The following SH2B3 variants were observed in gnomAD, a reference collection of about 807,000 sequenced individuals.
SH2B3 encodes the protein SH2B adapter protein 3.
SH2B3 carries 43 observed loss-of-function variants against 51.9 expected under a neutral mutation model. The ratio of observed to expected loss-of-function variants is 0.83; its 90% CI spans 0.65 to 1.07. The LOEUF is 1.07. Ranked by LOEUF, SH2B3 falls within the 50% of genes least tolerant of loss-of-function variation. SH2B3 has a pLI of 0.00. For synonymous variants in SH2B3, 396 were observed against 376.0 expected (o/e 1.05, Z -0.62); for missense variants, 952 against 834.3 (o/e 1.14, Z -1.74).
At position 111,407,021 on chromosome 12, in the gene SH2B3, G is replaced by C. The variant is rs574698139; in HGVS notation, c.-28+744G>C. 2.0e-5 allele frequency among the ~76,000 whole-genome samples: 3 copies of C among 152,216 alleles called. No homozygotes were observed. Among genetic ancestry groups the C allele is most frequent in the Non-Finnish European group, 4.4e-5 (3 of 68,032 alleles). On this transcript the variant is annotated intron_variant, in intron 1 of 7. Transcript: ENST00000341259. The surrounding 1 kb of genome is among the most constrained non-coding windows in gnomAD (Gnocchi z 4.3). ...GTATTTCAGAGGTCTCTGATGCCTG[G>C]TGCAGAAATCCCCTTCCCTCCCTTC...
intron 1 of SH2B3, among the ~76,000 whole-genome samples, chr12:111,414,153 C>A (rs527713826): frequency 6.6e-6 from 1 of 152,226 alleles, no homozygotes; most frequent in African/African-American, 2.4e-5. Flanking sequence ...ACCCTCCCCC[C>A]TTCAGGGACA....
intron 1 of SH2B3, among the ~76,000 whole-genome samples, chr12:111,411,928 G>A (rs1303057919): frequency 6.6e-6 from 1 of 152,188 alleles, no homozygotes; most frequent in Non-Finnish European, 1.5e-5. Flanking sequence ...GCCCCAGAAG[G>A]AAGCCTGAGC....
chr12:111,434,748 C>G, intron 2 of SH2B3: 1 of 1,421,008 alleles, frequency 7.0e-7, no homozygotes. Flanking sequence ...TTTAATCCAG[C>G]TGGCTTTTGT....
intron 2 of SH2B3, among the ~76,000 whole-genome samples, chr12:111,434,544 T>C (rs948365685): frequency 6.6e-6 from 1 of 152,238 alleles, no homozygotes; most frequent in African/African-American, 2.4e-5. Context: ...ATTTGACTTT[T>C]CAATTTTGTT....
chr12:111,411,559 G>A (rs1304019525), intron 1 of SH2B3, among the ~76,000 whole-genome samples: 2 of 152,186 alleles, frequency 1.3e-5, no homozygotes, highest in African/African-American at 4.8e-5. Context: ...CCACAGCTCA[G>A]CCAGGTTCCC....
chr12:111,429,220 A>G lies in SH2B3; in HGVS notation c.732+10343A>G, dbSNP rs2135568057. Among the ~76,000 whole-genome samples, 1 of 152,314 alleles carries G rather than the reference A, an allele frequency of 6.6e-6. No homozygotes were observed. The highest frequency in any genetic ancestry group is 1.5e-5 in the Non-Finnish European group (1 of 68,016). On this transcript the variant is annotated intron_variant, in intron 2 of 7. Coordinates refer to ENST00000341259, the MANE Select transcript of SH2B3 (RefSeq NM_005475.3). The surrounding 1 kb of genome is among the most constrained non-coding windows in gnomAD (Gnocchi z 4.4). ...GCTGAATGATGGCTCTGGCCCCAGG[A>G]TCAACTGAGTGCTGTCTGGGAAGCA...
rs1261479428 is a variant in SH2B3, at chr12:111,448,019, C to T, written c.1445C>T (p.Pro482Leu). 4.3e-6 allele frequency: 7 copies of T among 1,610,718 alleles called. No individual in the cohort carries two copies. Among genetic ancestry groups the T allele is most frequent in the Non-Finnish European group, 5.9e-6 (7 of 1,177,586 alleles). ...CNTVLFPFSL[P>L]HWDSESLPHW... ...ACGGTCCTCTTCCCTTTCTCCCTTC[C>T]TCACTGGGATTCAGAGTCCCTTCCT... The change falls in exon 8 of 8, where the codon CCT becomes CTT. Residue 482 changes from proline to leucine, a missense_variant. Pro to Leu is a moderately conservative substitution (Grantham distance 98, BLOSUM62 -3). Coordinates refer to ENST00000341259, the MANE Select transcript of SH2B3 (RefSeq NM_005475.3).
Position 111,448,399 on chromosome 12 carries a change from A to G in SH2B3, c.*97A>G, listed in dbSNP as rs1874274019. On this transcript the variant is annotated 3_prime_UTR_variant, in exon 8 of 8. Coordinates refer to ENST00000341259, the MANE Select transcript of SH2B3 (RefSeq NM_005475.3). ...ATTGATCTTTCCTTCCTTCCAGAGAAAGATTTAAGGGACACTGTTAACTGC... is the reference window on the plus strand; with the variant it reads ...ATTGATCTTTCCTTCCTTCCAGAGAGAGATTTAAGGGACACTGTTAACTGC... The G allele has an allele frequency of 1.0e-6, 1 of 979,718 alleles. No individual in the cohort carries two copies. Among genetic ancestry groups the G allele is most frequent in the African/African-American group, 1.6e-5 (1 of 61,306 alleles). The allele number at this position is 979,718 out of a possible 1,614,324, so 60.7% of individuals were successfully genotyped here. A position where few individuals can be genotyped will look rare whatever the true frequency, so the allele number is the denominator to read the frequency against.
chr12:111,446,093 G>A (rs1396037220), intron 2 of SH2B3, among the ~76,000 whole-genome samples: 3 of 152,070 alleles, frequency 2.0e-5, no homozygotes, highest in African/African-American at 4.8e-5. Flanking sequence ...TTCTTCTTTC[G>A]GCCATCTTTT....
In SH2B3 at chr12:111,418,126, G is replaced by T; in HGVS notation, c.-20G>T. The T allele has an allele frequency of 6.8e-7, 1 of 1,477,014 alleles. No individual in the cohort carries two copies. Among genetic ancestry groups the T allele is most frequent in the Non-Finnish European group, 8.9e-7 (1 of 1,125,738 alleles). The allele number at this position is 1,477,014 out of a possible 1,614,324, so 91.5% of individuals were successfully genotyped here. A position where few individuals can be genotyped will look rare whatever the true frequency, so the allele number is the denominator to read the frequency against. ...CACCCACGTGTCTTTCAGCCCGGCC[G>T]CACCACCTGGGTCTCCGCCATGAAC... On this transcript the variant is annotated 5_prime_UTR_variant, in exon 2 of 8. Transcript: ENST00000341259. This position sits in a 1 kb window ranked among gnomAD's most constrained non-coding sequence, Gnocchi z 6.7.
At chr12:111,447,292 AG>A in intron 5 of SH2B3, 37 bp from the exon 6 acceptor site, 5 of 1,586,706 alleles carry the variant, frequency 3.2e-6, no homozygotes, top group Non-Finnish European at 4.3e-6. Flanking sequence ...GACATAAGGT[AG>A]CCCCCTGCGA....
At chr12:111,405,366 G>A (rs2135525405), upstream of SH2B3, among the ~76,000 whole-genome samples, 1 of 150,870 alleles carries the variant, frequency 6.6e-6, no homozygotes, top group African/African-American at 2.4e-5. This position sits in a 1 kb window ranked among gnomAD's most constrained non-coding sequence, Gnocchi z 5.4. Context: ...CAGATAGTCA[G>A]GGTCGGGCAG....
Position 111,418,747 on chromosome 12 carries a change from TGCGCTACA to T in SH2B3, c.605_612del (p.Arg202ProfsTer63), listed in dbSNP as rs1355423743. On this transcript the variant is annotated frameshift_variant, in exon 2 of 8. Transcript: ENST00000341259. LOFTEE classifies it high-confidence loss of function. This position sits in a 1 kb window ranked among gnomAD's most constrained non-coding sequence, Gnocchi z 6.7. ...CCCGAGGCGCTGAAGGAGGCGGTGC[TGCGCTACA>T]GCCTGGCCGACGAGGCCTCCATGGA... 1 of 1,483,404 alleles carries T rather than the reference TGCGCTACA, an allele frequency of 6.7e-7. No individual in the cohort carries two copies. Among genetic ancestry groups the T allele is most frequent in the Non-Finnish European group, 8.9e-7 (1 of 1,124,762 alleles). 91.9% of individuals were successfully genotyped at this position (1,483,404 alleles called of 1,614,324 possible).
At position 111,419,540 on chromosome 12, in the gene SH2B3, A is replaced by G. The variant is rs192501604; in HGVS notation, c.732+663A>G. Among the ~76,000 whole-genome samples the G allele has an allele frequency of 4.0e-4, 61 of 152,224 alleles. 1 individual carries two copies. The highest frequency in any genetic ancestry group is 3.1e-3 in the Admixed American group (48 of 15,294). ...GTAATCCCGGCTACTTGGGAGGCTG[A>G]GTCAGGAGAATCACTTGAACCTGGG... On this transcript the variant is annotated intron_variant, in intron 2 of 7. Coordinates refer to ENST00000341259, the MANE Select transcript of SH2B3 (RefSeq NM_005475.3).
At chr12:111,431,410 G>A (rs76890334) in intron 2 of SH2B3, among the ~76,000 whole-genome samples, 6,614 of 152,080 alleles carry the variant, frequency 0.043, 483 homozygotes, top group African/African-American at 0.15. Context: ...TTAACTTGCC[G>A]AGGGCCTCCA....
rs536926373 is a variant in SH2B3 at position 111,446,693 on chromosome 12, G to T, written c.733-60G>T. ...CTGGGGAGACTATAGACAAACTCAG[G>T]CCTGGCTGGAAGAAAGAGCATCAGG... is the stretch of plus-strand genomic sequence containing the variant. On this transcript the variant is annotated intron_variant, in intron 2 of 7. Coordinates refer to ENST00000341259, the MANE Select transcript of SH2B3 (RefSeq NM_005475.3). 3.2e-6 allele frequency: 3 copies of T among 938,408 alleles called. No individual in the cohort carries two copies. The South Asian group carries it at 5.2e-5, about 16-fold the overall frequency. The allele number at this position is 938,408 out of a possible 1,614,324, so 58.1% of individuals were successfully genotyped here.
Position 111,447,559 on chromosome 12 carries a change from G to A in SH2B3, c.1236+15G>A, listed in dbSNP as rs773607481. 3 of 1,584,452 alleles carry A rather than the reference G, an allele frequency of 1.9e-6. No homozygotes were observed. Among genetic ancestry groups the A allele is most frequent in the Non-Finnish European group, 2.6e-6 (3 of 1,157,772 alleles). ...GGATAGCCAAGGTATGGGGTGGGGT[G>A]GGGTGGGGTGGGGCAGGCAGGACCG... On this transcript the variant is annotated intron_variant, in intron 6 of 7. Transcript: ENST00000341259.
chr12:111,418,293 C>G lies in SH2B3; in HGVS notation c.148C>G (p.Arg50Gly), dbSNP rs1013978345. Residue 50 changes from arginine to glycine, a missense_variant, in exon 2 of 8, where the codon CGG becomes GGG. By Grantham distance (125) the Arg-to-Gly change is moderately radical. Transcript: ENST00000341259. The surrounding 1 kb of genome is among the most constrained non-coding windows in gnomAD (Gnocchi z 6.7). ...GGCCCGCCAGTACTGGCTGTTCGCC[C>G]GGGAGCATCCGCAGCACGCGCCGCT... is the stretch of plus-strand genomic sequence containing the variant. ...ELARQYWLFA[R>G]EHPQHAPLRA... 1 of 1,535,396 alleles carries G rather than the reference C, an allele frequency of 6.5e-7. No individual in the cohort carries two copies. Among genetic ancestry groups the G allele is most frequent in the Non-Finnish European group, 8.7e-7 (1 of 1,147,422 alleles).
At chr12:111,422,725 T>G (rs1041160977) in intron 2 of SH2B3, among the ~76,000 whole-genome samples, 2 of 150,990 alleles carry the variant, frequency 1.3e-5, no homozygotes. Context: ...CACGCCTGGC[T>G]AATTTTTTGT....
Sources: allele counts gnomAD v4.1 joint callset (sites outside exome capture counted in the v4.1 genomes callset), GRCh38; gene constraint gnomAD v4.1.1; non-coding constraint Gnocchi (gnomAD v3.1); transcripts MANE v1.5; gene names NCBI Gene and HGNC (gene_info 2026-07-23, HGNC 2026-07-21).